The following FBN2 variants were observed in gnomAD, a reference collection of about 807,000 sequenced individuals.
The protein encoded by FBN2 is fibrillin 2.
In FBN2, 105 loss-of-function variants were observed where a neutral mutation model predicts 355.6. That is an observed-to-expected ratio of 0.30 (90% CI 0.25 to 0.35). FBN2 has a LOEUF of 0.35. FBN2 is among the 10% of genes least tolerant of loss of function. FBN2 has a pLI of 1.00. For synonymous variants in FBN2, 1,350 were observed against 1,301.2 expected, an observed-to-expected ratio of 1.04 and a Z score of -0.81; for missense variants, 3,280 against 3,758.7, an observed-to-expected ratio of 0.87 and a Z score of 3.33.
intron 55 of FBN2, among the ~76,000 whole-genome samples, chr5:128,281,366 T>C (rs2126811833): frequency 6.6e-6 from 1 of 152,372 alleles, no homozygotes; most frequent in South Asian, 2.1e-4. Context: ...CTTTCAATTC[T>C]TACAGTGGAA....
intron 34 of FBN2, among the ~76,000 whole-genome samples, chr5:128,326,004 G>A (rs1581217515): frequency 6.6e-6 from 1 of 152,098 alleles, no homozygotes; most frequent in Non-Finnish European, 1.5e-5. Flanking sequence ...AGTACCTATG[G>A]AAAATTTGTT....
At chr5:128,352,786 C>A (rs1751401902) in intron 20 of FBN2, among the ~76,000 whole-genome samples, 1 of 152,166 alleles carries the variant, frequency 6.6e-6, no homozygotes, top group Admixed American at 6.5e-5. Context: ...ACCTCAACAG[C>A]ATATTGTGGC....
chr5:128,343,829 G>A (rs1751094302), intron 25 of FBN2, among the ~76,000 whole-genome samples: 1 of 151,982 alleles, frequency 6.6e-6, no homozygotes, highest in African/African-American at 2.4e-5. Context: ...AATCATATTT[G>A]TATGCTGTTC....
At chr5:128,504,739 G>C (rs1003168060) in intron 5 of FBN2, among the ~76,000 whole-genome samples, 1 of 152,286 alleles carries the variant, frequency 6.6e-6, no homozygotes, top group East Asian at 1.9e-4. Context: ...TCTCAGATTA[G>C]ACTTTGGAAT....
chr5:128,401,539 T>C (rs1752797908), intron 8 of FBN2, among the ~76,000 whole-genome samples: 1 of 152,132 alleles, frequency 6.6e-6, no homozygotes, highest in Non-Finnish European at 1.5e-5. Context: ...TCCCAGCACT[T>C]TGGGAGGCCG....
intron 48 of FBN2, among the ~76,000 whole-genome samples, chr5:128,296,494 G>C (rs1428693945): frequency 2.0e-5 from 3 of 151,862 alleles, no homozygotes; most frequent in Non-Finnish European, 4.4e-5. Flanking sequence ...GTAAGCTATT[G>C]ATTATTGCCA....
intron 23 of FBN2, among the ~76,000 whole-genome samples, chr5:128,346,517 A>G (rs927506841): frequency 6.6e-6 from 1 of 152,242 alleles, no homozygotes; most frequent in African/African-American, 2.4e-5. Context: ...AATGTTTACT[A>G]CTTTAGTTAC....
At chr5:128,468,151 A>G (rs1754764225) in intron 5 of FBN2, among the ~76,000 whole-genome samples, 1 of 152,166 alleles carries the variant, frequency 6.6e-6, no homozygotes, top group African/African-American at 2.4e-5. Context: ...GTGACTATAA[A>G]TTTGATTTCT....
intron 4 of FBN2, among the ~76,000 whole-genome samples, chr5:128,524,686 G>A (rs985856932): frequency 2.0e-5 from 3 of 152,096 alleles, no homozygotes. Flanking sequence ...TATATAAGAC[G>A]ACTTGGAAAA....
intron 5 of FBN2, among the ~76,000 whole-genome samples, chr5:128,495,737 A>C (rs1235480510): frequency 6.6e-6 from 1 of 152,138 alleles, no homozygotes; most frequent in Admixed American, 6.5e-5. Flanking sequence ...AAAGTTGGCA[A>C]ACCTTTAGCT....
intron 34 of FBN2, 102 bp from the exon 35 acceptor site, chr5:128,319,103 T>C: frequency 1.1e-6 from 1 of 947,114 alleles, no homozygotes; most frequent in Non-Finnish European, 1.7e-6. Context: ...TCAGATGTTT[T>C]TATTCAGTAA....
chr5:128,444,182 C>T (rs992031322), intron 7 of FBN2, among the ~76,000 whole-genome samples: 2 of 149,390 alleles, frequency 1.3e-5, no homozygotes, highest in African/African-American at 5.0e-5. Flanking sequence ...ACGCCATTCT[C>T]CTGCCTCAGC....
rs1194973560 is a variant in FBN2, at chr5:128,259,506, T to C, written c.8688A>G (p.Leu2896=). 2 of 1,613,572 alleles carry C rather than the reference T, an allele frequency of 1.2e-6. No homozygotes were observed. The highest frequency in any genetic ancestry group is 2.2e-5 in the East Asian group (1 of 44,858). The change falls in exon 65 of 65, where the codon CTA becomes CTG. Residue 2896 remains leucine (L), a synonymous_variant. Coordinates refer to ENST00000262464, the MANE Select transcript of FBN2 (RefSeq NM_001999.4). The part of the protein sequence containing the change: ...LEESNEDDYL[L]GELGEALRMR... ...TTCTGAGAGCCTCCCCAAGCTCCCC[T>C]AGGAGGTAGTCATCCTCATTGCTCT...
intron 18 of FBN2, among the ~76,000 whole-genome samples, chr5:128,363,370 T>C (rs765591714): frequency 3.9e-5 from 6 of 152,120 alleles, no homozygotes; most frequent in East Asian, 1.9e-4. Flanking sequence ...TTGTATTTTT[T>C]AGTAGAGGGG....
At chr5:128,419,948 G>A (rs1046758541) in intron 7 of FBN2, among the ~76,000 whole-genome samples, 2 of 152,136 alleles carry the variant, frequency 1.3e-5, no homozygotes, top group East Asian at 3.9e-4. Context: ...GCCCACCTTG[G>A]CCTCCCAAAG....
chr5:128,467,828 A>T (rs1310236336), intron 5 of FBN2, among the ~76,000 whole-genome samples: 1 of 152,318 alleles, frequency 6.6e-6, no homozygotes, highest in East Asian at 1.9e-4. Context: ...TGATTTTCTA[A>T]TATCTAAGTG....
intron 7 of FBN2, among the ~76,000 whole-genome samples, chr5:128,437,093 C>T (rs941861863): frequency 6.6e-6 from 1 of 152,188 alleles, no homozygotes; most frequent in African/African-American, 2.4e-5. Flanking sequence ...CAGACATATT[C>T]CTTGGGAAAA....
intron 14 of FBN2, among the ~76,000 whole-genome samples, chr5:128,376,492 A>C (rs1435179615): frequency 6.6e-6 from 1 of 152,350 alleles, no homozygotes; most frequent in Admixed American, 6.5e-5. Context: ...TGCTAAAACC[A>C]ATCTGTCAGT....
chr5:128,477,323 A>AAATG (rs1755030334), intron 5 of FBN2, among the ~76,000 whole-genome samples: 1 of 152,102 alleles, frequency 6.6e-6, no homozygotes. Context: ...TACCACAGAG[A>AAATG]AATGGGGAAT....
Sources: allele counts gnomAD v4.1 joint callset (sites outside exome capture counted in the v4.1 genomes callset), GRCh38; gene constraint gnomAD v4.1.1; transcripts MANE v1.5; gene names NCBI Gene and HGNC (gene_info 2026-07-23, HGNC 2026-07-21).